The following DNAH5 variants were observed in gnomAD, a reference collection of about 807,000 sequenced individuals.
The protein encoded by DNAH5 is axonemal beta dynein heavy chain 5.
In DNAH5, 372 loss-of-function variants were observed where a neutral mutation model predicts 518.2. That is an observed-to-expected ratio of 0.72 (90% CI 0.66 to 0.78). DNAH5 has a LOEUF of 0.78. Among genes scored for constraint, DNAH5 ranks in the 30% least tolerant of loss-of-function variants. The pLI is 0.00. For missense variants in DNAH5, 5,523 were observed against 5,687.0 expected (o/e 0.97, Z 0.93); for synonymous variants, 2,039 against 2,025.9 (o/e 1.01, Z -0.17).
intron 18 of DNAH5, 70 bp from the exon 19 acceptor site, chr5:13,885,298 T>C (rs1561504886): frequency 2.1e-5 from 33 of 1,550,288 alleles, no homozygotes; most frequent in Admixed American, 5.1e-5. Context: ...GACAGATAGA[T>C]AGACAGATAG....
At chr5:13,778,806 A>T (rs1754645526) in intron 53 of DNAH5, among the ~76,000 whole-genome samples, 1 of 152,216 alleles carries the variant, frequency 6.6e-6, no homozygotes, top group African/African-American at 2.4e-5. Context: ...CAAAGCCTTT[A>T]GAAGTTTGAT....
intron 1 of DNAH5, among the ~76,000 whole-genome samples, chr5:13,953,157 C>T (rs751602988): frequency 5.9e-5 from 9 of 152,272 alleles, no homozygotes; most frequent in East Asian, 1.9e-4. Flanking sequence ...AAACTCTGTA[C>T]GGATCAAATG....
chr5:13,824,336 A>C lies in DNAH5; in HGVS notation c.6445-3T>G. 6.2e-7 allele frequency: 1 copy of C among 1,614,066 alleles called. No homozygotes were observed. Among genetic ancestry groups the C allele is most frequent in the Non-Finnish European group, 8.5e-7 (1 of 1,179,946 alleles). The stretch of plus-strand genomic sequence containing the variant: ...CGCAGGCCAAAGTCATAATGAACCT[A>C]GAGAATGTGAGATACATTGGGCTTA... On this transcript the variant is annotated splice_polypyrimidine_tract_variant and splice_region_variant and intron_variant, in intron 38 of 78. Transcript: ENST00000265104.
intron 55 of DNAH5, among the ~76,000 whole-genome samples, chr5:13,771,739 C>G (rs930418509): frequency 6.6e-6 from 1 of 152,136 alleles, no homozygotes; most frequent in Non-Finnish European, 1.5e-5. Context: ...AATTTACAAG[C>G]ATCACACAAA....
intron 1 of DNAH5, among the ~76,000 whole-genome samples, chr5:13,988,417 T>TA (rs1783215325): frequency 1.1e-5 from 1 of 89,200 alleles, no homozygotes; most frequent in Non-Finnish European, 2.3e-5. Context: ...AAAACACCAA[T>TA]TTTTTTTTTT....
chr5:13,691,487 AT>A lies in DNAH5; in HGVS notation c.*496del, dbSNP rs1369819337. On this transcript the variant is annotated 3_prime_UTR_variant, in exon 79 of 79. Coordinates refer to ENST00000265104, the MANE Select transcript of DNAH5 (RefSeq NM_001369.3). ...TTAATCCATTCTTCTATTTCCTTCT[AT>A]TTTTTAAAAGGTATTTTTAATTGGC... is the stretch of plus-strand genomic sequence containing the variant. 1 of 154,550 alleles carries A rather than the reference AT, an allele frequency of 6.5e-6. No individual in the cohort carries two copies. The highest frequency in any genetic ancestry group is 1.4e-5 in the Non-Finnish European group (1 of 69,620). The allele number at this position is 154,550 out of a possible 1,614,324, so 9.6% of individuals were successfully genotyped here. A position where few individuals can be genotyped will look rare whatever the true frequency, so the allele number is the denominator to read the frequency against.
intron 13 of DNAH5, 84 bp downstream of exon 13, chr5:13,901,969 A>G: frequency 2.9e-6 from 3 of 1,029,880 alleles, no homozygotes; most frequent in Non-Finnish European, 4.3e-6. Flanking sequence ...CCATCAGAAT[A>G]TGAAATAATA....
chr5:13,710,976 T>C (rs1743407641), intron 75 of DNAH5, among the ~76,000 whole-genome samples: 1 of 152,138 alleles, frequency 6.6e-6, no homozygotes, highest in South Asian at 2.1e-4. Flanking sequence ...GACACTATTC[T>C]ACAAGATAGA....
At position 13,856,843 on chromosome 5, in the gene DNAH5, G is replaced by C. The variant is rs148156403; in HGVS notation, c.4950+2609C>G. ...ATGCTAAAAACTCTCAATAAACTAA[G>C]TATTGATGAAACACAACTCAAAATA... On this transcript the variant is annotated intron_variant, in intron 30 of 78. Transcript: ENST00000265104. Among the ~76,000 whole-genome samples, 64 of 152,226 alleles carry C rather than the reference G, an allele frequency of 4.2e-4. 1 individual carries two copies. Among genetic ancestry groups the C allele is most frequent in the Admixed American group, 1.2e-3 (19 of 15,296 alleles).
intron 78 of DNAH5, among the ~76,000 whole-genome samples, chr5:13,698,781 A>G (rs1328360898): frequency 2.6e-5 from 4 of 152,250 alleles, no homozygotes; most frequent in Non-Finnish European, 4.4e-5. Flanking sequence ...CTGGAACAAG[A>G]AGGCACAGCC....
rs534861815 is a variant in DNAH5, at chr5:13,911,061, G to A, written c.1644+325C>T. Among the ~76,000 whole-genome samples the A allele has an allele frequency of 2.0e-5, 3 of 152,284 alleles. No individual in the cohort carries two copies. In the South Asian group the frequency reaches 6.2e-4, roughly 32 times the overall value. ...CTCTGGTCATAATCATTGCTACACA[G>A]TGACAAACGGAAATAAGAGTCTACA... On this transcript the variant is annotated intron_variant, in intron 12 of 78. Transcript: ENST00000265104.
intron 1 of DNAH5, among the ~76,000 whole-genome samples, chr5:13,979,950 C>A (rs530396501): frequency 1.1e-4 from 17 of 149,644 alleles, no homozygotes; most frequent in South Asian, 6.3e-4. Flanking sequence ...AGTGATTCTT[C>A]TGCCTCAGCC....
At chr5:13,899,836 T>C in intron 15 of DNAH5, 1 of 233,926 alleles carries the variant, frequency 4.3e-6, no homozygotes, top group Admixed American at 5.2e-5. Flanking sequence ...ATCTTCATCC[T>C]GGGCCAGTGC....
intron 3 of DNAH5, among the ~76,000 whole-genome samples, chr5:13,927,812 G>A (rs1778036695): frequency 6.6e-6 from 1 of 152,138 alleles, no homozygotes. Context: ...TATCTTCATT[G>A]CCAGCACAGC....
chr5:14,009,618 G>C (rs1784979396), intron 1 of DNAH5, among the ~76,000 whole-genome samples: 1 of 152,182 alleles, frequency 6.6e-6, no homozygotes, highest in Non-Finnish European at 1.5e-5. Flanking sequence ...GCCAATATGA[G>C]GGTTAAGAAA....
chr5:13,710,159 G>A (rs1438410636), intron 75 of DNAH5, among the ~76,000 whole-genome samples: 1 of 152,100 alleles, frequency 6.6e-6, no homozygotes, highest in Non-Finnish European at 1.5e-5. Context: ...AAAACCCCCA[G>A]TACCAGCCCA....
At chr5:13,752,709 G>A (rs918142562) in intron 63 of DNAH5, among the ~76,000 whole-genome samples, 1 of 152,158 alleles carries the variant, frequency 6.6e-6, no homozygotes, top group Non-Finnish European at 1.5e-5. Context: ...TTTAGGATAA[G>A]GGGCATTCAA....
At chr5:13,957,442 A>G (rs1321321633) in intron 1 of DNAH5, among the ~76,000 whole-genome samples, 1 of 152,238 alleles carries the variant, frequency 6.6e-6, no homozygotes, top group Non-Finnish European at 1.5e-5. Context: ...ATGAAAGAGA[A>G]GCCAGTCTTC....
chr5:13,722,551 G>A (rs1329705846), intron 70 of DNAH5, among the ~76,000 whole-genome samples: 5 of 152,192 alleles, frequency 3.3e-5, no homozygotes, highest in Non-Finnish European at 7.3e-5. Flanking sequence ...TGAACGACTG[G>A]CTTGGTCCTA....
Sources: allele counts gnomAD v4.1 joint callset (sites outside exome capture counted in the v4.1 genomes callset), GRCh38; gene constraint gnomAD v4.1.1; transcripts MANE v1.5; gene names NCBI Gene and HGNC (gene_info 2026-07-23, HGNC 2026-07-21).